The following AFAP1 variants were observed in gnomAD, a reference collection of about 807,000 sequenced individuals.
AFAP1 encodes the protein actin filament-associated protein 1.
In AFAP1, 75 loss-of-function variants were observed where a neutral mutation model predicts 93.9. The observed-to-expected ratio is 0.80, with a 90% confidence interval of 0.66 to 0.97. AFAP1 has a LOEUF of 0.97. AFAP1 is among the 50% of genes least tolerant of loss of function. The pLI, the probability that AFAP1 is intolerant of heterozygous loss-of-function variation, is 0.00. For synonymous variants in AFAP1, 517 were observed against 430.7 expected (o/e 1.20, Z -2.48); for missense variants, 1,201 against 1,050.8 (o/e 1.14, Z -1.98).
chr4:7,847,995 A>G (rs1713936730), intron 4 of AFAP1, among the ~76,000 whole-genome samples: 1 of 151,766 alleles, frequency 6.6e-6, no homozygotes, highest in South Asian at 2.1e-4. Flanking sequence ...CAGATTAGAT[A>G]CATGGATGGA....
At chr4:7,793,966 G>T in intron 10 of AFAP1, 140 bp from the exon 11 acceptor site, 1 of 955,084 alleles carries the variant, frequency 1.0e-6, no homozygotes, top group Non-Finnish European at 1.5e-6. Flanking sequence ...GAAGATGGCT[G>T]AGCGATGGGA....
intron 8 of AFAP1, among the ~76,000 whole-genome samples, chr4:7,812,190 C>T (rs1720104357): frequency 6.6e-6 from 1 of 152,170 alleles, no homozygotes; most frequent in African/African-American, 2.4e-5. Context: ...CAGCCGCATT[C>T]CCGTGAGCTT....
At chr4:7,819,310 C>A (rs145070425) in intron 6 of AFAP1, 139 bp from the exon 7 acceptor site, 87 of 655,096 alleles carry the variant, frequency 1.3e-4, no homozygotes, top group Non-Finnish European at 2.0e-4. Flanking sequence ...TGAGTTCCAG[C>A]GTGCCAGGTA....
In AFAP1 at chr4:7,855,533, G is replaced by T. The variant is rs1714952079; in HGVS notation, c.267C>A (p.Leu89=). The T allele has an allele frequency of 6.2e-7, 1 of 1,613,950 alleles. No homozygotes were observed. The highest frequency in any genetic ancestry group is 1.1e-5 in the South Asian group (1 of 91,074). ...SGPPPLPTSS[L]PEGYYEEAVP... ...CAGCTTCCTCATAATAACCTTCTGG[G>T]AGGGAGGATGTTGGCAATGGTGGAG... Residue 89 remains leucine (L), a synonymous_variant, in exon 4 of 18, where the codon CTC becomes CTA. Coordinates refer to ENST00000420658, the MANE Select transcript of AFAP1 (RefSeq NM_001134647.2).
chr4:7,922,867 C>CAGCTACTCAGG (rs1257525358), intron 1 of AFAP1, among the ~76,000 whole-genome samples: 4 of 152,056 alleles, frequency 2.6e-5, no homozygotes, highest in Non-Finnish European at 5.9e-5. Flanking sequence ...CCTGTAGTCC[C>CAGCTACTCAGG]AGCTACTCAG....
At chr4:7,779,757 C>A (rs924371776) in intron 13 of AFAP1, among the ~76,000 whole-genome samples, 1 of 152,124 alleles carries the variant, frequency 6.6e-6, no homozygotes, top group Non-Finnish European at 1.5e-5. Context: ...GAGATACCTC[C>A]CCACAGTGTT....
chr4:7,859,777 G>GT (rs1715464639), intron 3 of AFAP1, among the ~76,000 whole-genome samples: 2 of 152,192 alleles, frequency 1.3e-5, no homozygotes, highest in South Asian at 4.1e-4. Context: ...AGTACTGGCC[G>GT]TAATTTTAAT....
At chr4:7,827,569 CAAAAAA>C (rs58075483) in intron 6 of AFAP1, among the ~76,000 whole-genome samples, 18 of 52,246 alleles carry the variant, frequency 3.4e-4, no homozygotes, top group East Asian at 1.2e-3. Flanking sequence ...ACTCTGTCTC[CAAAAAA>C]AAAAAAAAAA....
chr4:7,934,871 G>A (rs1337551635), intron 1 of AFAP1, among the ~76,000 whole-genome samples: 3 of 152,140 alleles, frequency 2.0e-5, no homozygotes, highest in Admixed American at 1.3e-4. Flanking sequence ...CTATTTACGT[G>A]GACATTCATT....
At chr4:7,883,384 A>T (rs1288447121) in intron 1 of AFAP1, among the ~76,000 whole-genome samples, 1 of 152,156 alleles carries the variant, frequency 6.6e-6, no homozygotes, top group Non-Finnish European at 1.5e-5. Flanking sequence ...TTAACTTGAT[A>T]AAATACATGT....
chr4:7,845,765 G>A (rs747884192), intron 4 of AFAP1, among the ~76,000 whole-genome samples: 1 of 152,140 alleles, frequency 6.6e-6, no homozygotes, highest in South Asian at 2.1e-4. Context: ...TCACAGGGCA[G>A]CCACAGGGGG....
At chr4:7,810,182 A>G (rs56146543) in intron 8 of AFAP1, among the ~76,000 whole-genome samples, 17,022 of 152,152 alleles carry the variant, frequency 0.11, 1,023 homozygotes, top group South Asian at 0.14. Flanking sequence ...ACTTTTACTT[A>G]ATGAGCACTT....
At chr4:7,871,210 G>C (rs1717006663) in intron 2 of AFAP1, among the ~76,000 whole-genome samples, 1 of 152,186 alleles carries the variant, frequency 6.6e-6, no homozygotes, top group Non-Finnish European at 1.5e-5. Flanking sequence ...CAGGCCCAAA[G>C]CTGCTCTCTC....
intron 1 of AFAP1, among the ~76,000 whole-genome samples, chr4:7,881,660 G>A (rs35920302): frequency 0.011 from 1,626 of 152,214 alleles, 15 homozygotes; most frequent in Non-Finnish European, 0.017. Flanking sequence ...GCACACGCCT[G>A]TAGTCCCAGC....
At chr4:7,884,321 T>C (rs1024529599) in intron 1 of AFAP1, among the ~76,000 whole-genome samples, 4 of 152,336 alleles carry the variant, frequency 2.6e-5, no homozygotes, top group African/African-American at 4.8e-5. Flanking sequence ...CAATGCAAGA[T>C]AGGCCTAACC....
intron 9 of AFAP1, among the ~76,000 whole-genome samples, chr4:7,809,063 G>GT (rs10707304): frequency 3.6e-4 from 53 of 148,892 alleles, no homozygotes; most frequent in Admixed American, 1.3e-3. Context: ...TTTTGTTTTT[G>GT]TTTTTTTTTT....
At position 7,871,686 on chromosome 4, in the gene AFAP1, C is replaced by T. The variant is rs932361915; in HGVS notation, c.127+266G>A. Among the ~76,000 whole-genome samples the T allele has an allele frequency of 4.6e-5, 7 of 152,164 alleles. No individual in the cohort carries two copies. The South Asian group carries it at 1.4e-3, about 31-fold the overall frequency. On this transcript the variant is annotated intron_variant, in intron 2 of 17. Transcript: ENST00000420658. ...CAACCTGATGCCAAGTCCCGTGAGT[C>T]CTTCCAGGTAATCTCCAAACGCTGG... is the stretch of plus-strand genomic sequence containing the variant.
intron 1 of AFAP1, among the ~76,000 whole-genome samples, chr4:7,893,975 G>A (rs534435834): frequency 1.3e-4 from 20 of 152,324 alleles, no homozygotes; most frequent in South Asian, 4.1e-4. Context: ...GGCTTCAACA[G>A]AGGCTGAGTT....
intron 6 of AFAP1, among the ~76,000 whole-genome samples, chr4:7,828,576 C>T (rs1721634614): frequency 6.6e-6 from 1 of 152,104 alleles, no homozygotes; most frequent in African/African-American, 2.4e-5. Context: ...GTATGCGGAG[C>T]CTAATGAGAT....
Sources: gnomAD v4.1 joint callset for allele counts (sites outside exome capture counted in the v4.1 genomes callset) on GRCh38, gnomAD v4.1.1 for gene constraint, MANE v1.5 for transcripts, NCBI Gene and HGNC (gene_info 2026-07-23, HGNC 2026-07-21) for gene names.